Variants in ATP12A observed in about 807,000 individuals in gnomAD.
ATP12A encodes potassium-transporting ATPase alpha chain 2.
In ATP12A, 81 loss-of-function variants were observed where a neutral mutation model predicts 111.2. That is an observed-to-expected ratio of 0.73 (90% CI 0.61 to 0.88). ATP12A has a LOEUF of 0.88. Ranked by LOEUF, ATP12A falls within the 40% of genes least tolerant of loss-of-function variation. The pLI is 0.00. For missense variants in ATP12A, 1,196 were observed against 1,313.1 expected (o/e 0.91, Z 1.38); for synonymous variants, 498 against 499.8 (o/e 1.00, Z 0.05).
At chr13:24,708,964 G>GAAAGGAAGGAAGAAAGAAAGAAA (rs1566078416) in intron 17 of ATP12A, among the ~76,000 whole-genome samples, 11 of 114,728 alleles carry the variant, frequency 9.6e-5, no homozygotes, top group African/African-American at 3.0e-4. Flanking sequence ...AAAGAAAGAA[G>GAAAGGAAGGAAGAAAGAAAGAAA]GAAAGAGAAA....
rs1248320483 is a variant in ATP12A, at chr13:24,698,752, T to C, written c.1607T>C (p.Ile536Thr). The C allele has an allele frequency of 9.9e-6, 16 of 1,613,906 alleles. No homozygotes were observed. Among genetic ancestry groups the C allele is most frequent in the Non-Finnish European group, 1.3e-5 (15 of 1,180,022 alleles). The change falls in exon 12 of 23, where the codon ATC becomes ACC. Residue 536 changes from isoleucine (I) to threonine (T), a missense_variant. Physicochemically the swap from Ile to Thr is moderately conservative, Grantham distance 89 (BLOSUM62 -1). Coordinates refer to ENST00000381946, the MANE Select transcript of ATP12A (RefSeq NM_001676.7). Reference protein sequence around the residue: ...PERILEKCSTIMINGEEHPLD... With the variant: ...PERILEKCSTTMINGEEHPLD... ...CGCATCCTAGAGAAATGCAGCACCA[T>C]CATGATCAACGGCGAGGAGCACCCA... is the stretch of plus-strand genomic sequence containing the variant.
intron 2 of ATP12A, among the ~76,000 whole-genome samples, chr13:24,682,392 G>GT (rs1555253821): frequency 1.0e-5 from 1 of 99,514 alleles, no homozygotes; most frequent in African/African-American, 3.9e-5. Flanking sequence ...TGTGGTGTGT[G>GT]GTGTGTGTAT....
chr13:24,692,904 T>G lies in ATP12A; in HGVS notation c.1377+8T>G, dbSNP rs1448815061. On this transcript the variant is annotated splice_region_variant and intron_variant, in intron 10 of 22. Transcript: ENST00000381946. ...AATGTCCCCATCATGAAGGTAATGC[T>G]TCTGCAGCACTTGGTCTTAAATCAC... 1 of 1,610,676 alleles carries G rather than the reference T, an allele frequency of 6.2e-7. No individual in the cohort carries two copies. The highest frequency in any genetic ancestry group is 1.1e-5 in the South Asian group (1 of 90,968).
At chr13:24,698,182 T>C (rs1875246531) in intron 11 of ATP12A, among the ~76,000 whole-genome samples, 1 of 152,014 alleles carries the variant, frequency 6.6e-6, no homozygotes, top group African/African-American at 2.4e-5. Context: ...CACCCCGCCA[T>C]TTTCTATGAC....
Position 24,694,526 on chromosome 13 carries a change from A to G in ATP12A, c.1460A>G (p.Lys487Arg). The change falls in exon 11 of 23, where the codon AAA (lysine) becomes AGA (arginine). Residue 487 changes from lysine (K) to arginine (R), a missense_variant. Transcript: ENST00000381946. ...VILGDVMEIRKRNRKVAEIPF... is the reference protein window; with the variant it reads ...VILGDVMEIRRRNRKVAEIPF... Reference sequence around the variant, plus strand: ...TTGGGTGATGTGATGGAAATTAGAAAAAGAAACCGCAAAGTAGCTGAAATC... The same window carrying G: ...TTGGGTGATGTGATGGAAATTAGAAGAAGAAACCGCAAAGTAGCTGAAATC... 6.2e-7 allele frequency: 1 copy of G among 1,614,100 alleles called. No homozygotes were observed.
intron 2 of ATP12A, among the ~76,000 whole-genome samples, chr13:24,682,959 C>CTTTTTTTT (rs34361489): frequency 2.4e-4 from 34 of 139,050 alleles, no homozygotes; most frequent in African/African-American, 9.0e-4. Flanking sequence ...TAAAACTAGC[C>CTTTTTTTT]TTTTTTTTTT....
At chr13:24,693,812 T>C (rs1390028341) in intron 10 of ATP12A, among the ~76,000 whole-genome samples, 3 of 152,266 alleles carry the variant, frequency 2.0e-5, no homozygotes, top group Non-Finnish European at 4.4e-5. Flanking sequence ...CATTCTTGCT[T>C]CAAAATATAC....
chr13:24,709,977 G>A (rs1318019104), intron 19 of ATP12A, 149 bp downstream of exon 19: 1 of 1,232,856 alleles, frequency 8.1e-7, no homozygotes, highest in Non-Finnish European at 1.1e-6. Context: ...ACACGTGTTT[G>A]GCCTTTGCCA....
chr13:24,701,936 T>G lies in ATP12A; in HGVS notation c.1883T>G (p.Val628Gly). Residue 628 changes from valine (V) to glycine (G), a missense_variant and splice_region_variant, in exon 14 of 23, where the codon GTT (valine) becomes GGT (glycine). Val to Gly is a moderately radical substitution (Grantham distance 109, BLOSUM62 -3). Transcript: ENST00000381946. ...VTKCRSAGIKVIMVTGDHPIT... is the reference protein window; with the variant it reads ...VTKCRSAGIKGIMVTGDHPIT... ...GCCTTCTCGTTGTCTTTGCTCTAGG[T>G]TATTATGGTTACTGGTGATCATCCC... 6.2e-7 allele frequency: 1 copy of G among 1,614,198 alleles called. No homozygotes were observed. Among genetic ancestry groups the G allele is most frequent in the Non-Finnish European group, 8.5e-7 (1 of 1,180,030 alleles).
intron 12 of ATP12A, among the ~76,000 whole-genome samples, chr13:24,700,437 C>T (rs1213491363): frequency 1.3e-5 from 2 of 152,194 alleles, no homozygotes; most frequent in Non-Finnish European, 2.9e-5. Flanking sequence ...GTACCCTATG[C>T]TTGATCCCTT....
intron 14 of ATP12A, among the ~76,000 whole-genome samples, chr13:24,704,002 T>G (rs1277642874): frequency 6.8e-6 from 1 of 146,410 alleles, no homozygotes; most frequent in Admixed American, 6.8e-5. Context: ...TTTAGCAGAT[T>G]TTTTTTTTTT....
chr13:24,707,889 A>G (rs1338204907), intron 17 of ATP12A, among the ~76,000 whole-genome samples: 1 of 151,952 alleles, frequency 6.6e-6, no homozygotes, highest in Non-Finnish European at 1.5e-5. Context: ...GCCTCAAGTG[A>G]TCCACCTGCC....
At chr13:24,686,476 C>T (rs1387294248) in intron 3 of ATP12A, among the ~76,000 whole-genome samples, 1 of 148,992 alleles carries the variant, frequency 6.7e-6, no homozygotes, top group Admixed American at 6.7e-5. Flanking sequence ...CGTGGTGGCT[C>T]ACGCCTGTAA....
rs1055610254 is a variant in ATP12A, at chr13:24,709,689, T to G, written c.2624T>G (p.Met875Arg). 7 of 1,614,072 alleles carry G rather than the reference T, an allele frequency of 4.3e-6. No individual in the cohort carries two copies. The highest frequency in any genetic ancestry group is 1.7e-5 in the Admixed American group (1 of 60,004). ...AVYSYLHIGL[M>R]QALGAFLVYF... ...ATCTCTCTTGTTCTTTCAGGCCTCATGCAAGCCCTGGGAGCTTTCCTTGTG... is the reference window on the plus strand; with the variant it reads ...ATCTCTCTTGTTCTTTCAGGCCTCAGGCAAGCCCTGGGAGCTTTCCTTGTG... Residue 875 changes from methionine (M) to arginine (R), a missense_variant, in exon 19 of 23, where the codon ATG (methionine) becomes AGG (arginine). Coordinates refer to ENST00000381946, the MANE Select transcript of ATP12A (RefSeq NM_001676.7).
intron 2 of ATP12A, among the ~76,000 whole-genome samples, chr13:24,681,951 GTA>G (rs1413512696): frequency 7.5e-5 from 10 of 133,972 alleles, no homozygotes; most frequent in Non-Finnish European, 3.2e-5. Flanking sequence ...GTGTGTGTGT[GTA>G]TGTGTGGTGT....
chr13:24,710,829 A>G lies in ATP12A; in HGVS notation c.2935A>G (p.Ile979Val), dbSNP rs760037711. 1.2e-6 allele frequency: 2 copies of G among 1,614,240 alleles called. No homozygotes were observed. The highest frequency in any genetic ancestry group is 1.7e-6 in the Non-Finnish European group (2 of 1,180,044). The change falls in exon 21 of 23, where the codon ATC (isoleucine) becomes GTC (valine). Residue 979 changes from isoleucine (I) to valine (V), a missense_variant. Coordinates refer to ENST00000381946, the MANE Select transcript of ATP12A (RefSeq NM_001676.7). Reference sequence around the variant, plus strand: ...CTGGGTGGGGATCACCTCACAGATCATCATTGGTCTGATCCTCTCCTATGG... The same window carrying G: ...CTGGGTGGGGATCACCTCACAGATCGTCATTGGTCTGATCCTCTCCTATGG... The part of the protein sequence containing the change: ...VIWVGITSQI[I>V]IGLILSYGLG...
rs1399898162 is a variant in ATP12A, at chr13:24,691,256, T to A, written c.1068+6T>A. ...GCCTCCTGGCCACTGTCACTGTGAG[T>A]CCATGCTGTTAGACAGCCTGCACCT... On this transcript the variant is annotated splice_donor_region_variant and intron_variant, in intron 8 of 22. Transcript: ENST00000381946. 6.2e-7 allele frequency: 1 copy of A among 1,607,970 alleles called. No homozygotes were observed. Among genetic ancestry groups the A allele is most frequent in the Non-Finnish European group, 8.5e-7 (1 of 1,177,504 alleles).
chr13:24,690,345 T>C lies in ATP12A; in HGVS notation c.554T>C (p.Leu185Pro), dbSNP rs1465689780. 1 of 1,612,846 alleles carries C rather than the reference T, an allele frequency of 6.2e-7. No individual in the cohort carries two copies. The highest frequency in any genetic ancestry group is 2.2e-5 in the East Asian group (1 of 44,820). Residue 185 changes from leucine (L) to proline (P), a missense_variant, in exon 6 of 23, where the codon CTC (leucine) becomes CCC (proline). Coordinates refer to ENST00000381946, the MANE Select transcript of ATP12A (RefSeq NM_001676.7). The stretch of plus-strand genomic sequence containing the variant: ...CATGGTTTTTTTCTGCAGCAAGCTC[T>C]CGTCATCCGAGATTCCGAGAAGAAG... The part of the protein sequence containing the change: ...SFNKMIPQQA[L>P]VIRDSEKKTI...
intron 11 of ATP12A, among the ~76,000 whole-genome samples, chr13:24,697,697 T>G (rs1875224452): frequency 8.8e-6 from 1 of 113,682 alleles, no homozygotes; most frequent in Non-Finnish European, 1.8e-5. Context: ...AAAAGGCCTA[T>G]ATTTTAGAAA....
Sources: gnomAD v4.1 joint callset for allele counts (sites outside exome capture counted in the v4.1 genomes callset) on GRCh38, gnomAD v4.1.1 for gene constraint, MANE v1.5 for transcripts, NCBI Gene and HGNC (gene_info 2026-07-23, HGNC 2026-07-21) for gene names.